Variants in TMEM135 observed in about 807,000 individuals in gnomAD.
The protein encoded by TMEM135 is peroxisomal membrane protein 52.
A neutral mutation model predicts 60.3 loss-of-function variants in TMEM135; 30 were observed. The observed-to-expected ratio is 0.50, with a 90% CI of 0.37 to 0.68. TMEM135 has a LOEUF of 0.68. TMEM135 is among the 30% of genes least tolerant of loss of function. The pLI, the probability that TMEM135 is intolerant of heterozygous loss-of-function variation, is 0.00. For missense variants in TMEM135, 468 were observed against 548.8 expected, an observed-to-expected ratio of 0.85 and a Z score of 1.47; for synonymous variants, 190 against 186.7, an observed-to-expected ratio of 1.02 and a Z score of -0.14.
chr11:87,294,625 C>T lies in TMEM135; in HGVS notation c.510-1157C>T, dbSNP rs1024154489. On this transcript the variant is annotated intron_variant, in intron 6 of 14. Coordinates refer to ENST00000305494, the MANE Select transcript of TMEM135 (RefSeq NM_022918.4). ...CTTGAACTCCTAATCTCAGGTGATCCGCCGGCCTCGGCCTCCCAAAGTGCT... is the reference window on the plus strand; with the variant it reads ...CTTGAACTCCTAATCTCAGGTGATCTGCCGGCCTCGGCCTCCCAAAGTGCT... Among the ~76,000 whole-genome samples the T allele has an allele frequency of 3.9e-5, 6 of 152,162 alleles. No individual in the cohort carries two copies. The East Asian group carries it at 5.8e-4, about 15-fold the overall frequency.
At chr11:87,261,900 T>G (rs1003925655) in intron 6 of TMEM135, among the ~76,000 whole-genome samples, 2 of 152,222 alleles carry the variant, frequency 1.3e-5, no homozygotes, top group Non-Finnish European at 2.9e-5. Context: ...GTTGAGATTG[T>G]GGACATGAGC....
chr11:87,075,294 G>C (rs1226797134), intron 3 of TMEM135, among the ~76,000 whole-genome samples: 1 of 152,018 alleles, frequency 6.6e-6, no homozygotes, highest in Non-Finnish European at 1.5e-5. Context: ...GAGTAGCTGG[G>C]ACTATAGGTG....
intron 5 of TMEM135, among the ~76,000 whole-genome samples, chr11:87,227,634 A>G (rs999351887): frequency 2.6e-5 from 4 of 152,194 alleles, no homozygotes; most frequent in Non-Finnish European, 5.9e-5. Context: ...GACAATACAT[A>G]GCTATTTAAC....
chr11:87,118,004 G>A (rs1387094249), intron 4 of TMEM135, among the ~76,000 whole-genome samples: 3 of 152,170 alleles, frequency 2.0e-5, no homozygotes, highest in Non-Finnish European at 4.4e-5. Context: ...GCAGGCATGA[G>A]AACAACATTA....
At chr11:87,234,247 T>C (rs79551387) in intron 5 of TMEM135, among the ~76,000 whole-genome samples, 4,599 of 152,090 alleles carry the variant, frequency 0.03, 211 homozygotes, top group African/African-American at 0.1. Context: ...CTACTTTATT[T>C]ATCTCCAAAA....
At chr11:87,219,243 C>T (rs113349987) in intron 5 of TMEM135, among the ~76,000 whole-genome samples, 15 of 152,142 alleles carry the variant, frequency 9.9e-5, no homozygotes, top group Admixed American at 7.8e-4. Flanking sequence ...TTTTGGAGGT[C>T]GTATTATTAA....
chr11:87,286,738 C>T (rs2135425641), intron 6 of TMEM135, among the ~76,000 whole-genome samples: 1 of 152,312 alleles, frequency 6.6e-6, no homozygotes, highest in South Asian at 2.1e-4. Flanking sequence ...ATCCTGGTTC[C>T]TTTTTGACTT....
intron 6 of TMEM135, among the ~76,000 whole-genome samples, chr11:87,275,340 A>T (rs1375197129): frequency 2.0e-5 from 3 of 152,108 alleles, no homozygotes; most frequent in Non-Finnish European, 4.4e-5. Flanking sequence ...TCCTATACTT[A>T]AGTGCTAGCA....
At position 87,313,440 on chromosome 11, in the gene TMEM135, C is replaced by G. The variant is rs1942674673; in HGVS notation, c.952C>G (p.Leu318Val). The change falls in exon 11 of 15, where the codon CTG (leucine) becomes GTG (valine). Residue 318 changes from leucine (L) to valine (V), a missense_variant. Leu to Val is a conservative substitution (Grantham distance 32). Transcript: ENST00000305494. Reference sequence around the variant, plus strand: ...CCTTAACTAGGGTACTAGTTGCTTCCTGCGCTGGATCAGAAACTTAGATGA... The same window carrying G: ...CCTTAACTAGGGTACTAGTTGCTTCGTGCGCTGGATCAGAAACTTAGATGA... The part of the protein sequence containing the change: ...VSIYKGTSCF[L>V]RWIRNLDDEL... 1 of 1,610,786 alleles carries G rather than the reference C, an allele frequency of 6.2e-7. No individual in the cohort carries two copies. Among genetic ancestry groups the G allele is most frequent in the African/African-American group, 1.3e-5 (1 of 74,726 alleles).
At chr11:87,183,440 T>C (rs1356148812) in intron 5 of TMEM135, among the ~76,000 whole-genome samples, 1 of 151,782 alleles carries the variant, frequency 6.6e-6, no homozygotes, top group Non-Finnish European at 1.5e-5. Flanking sequence ...CACACCTGGC[T>C]ATCACTAAAA....
chr11:87,177,535 A>G (rs1939408213), intron 5 of TMEM135, among the ~76,000 whole-genome samples: 1 of 152,176 alleles, frequency 6.6e-6, no homozygotes, highest in Non-Finnish European at 1.5e-5. Flanking sequence ...GTAATTCAGT[A>G]ATTTTTAAAT....
intron 5 of TMEM135, among the ~76,000 whole-genome samples, chr11:87,208,286 A>G (rs1940283013): frequency 6.6e-6 from 1 of 152,216 alleles, no homozygotes; most frequent in Non-Finnish European, 1.5e-5. Context: ...TCATCAGGTT[A>G]CAAGAGTTGA....
chr11:87,327,701 A>T lies in TMEM135; in HGVS notation c.*6368A>T. ...TCAGTACAAGTCCAAAAGCCTTGGA[A>T]CCAGGGAAACTGATGGTGTAATTCT... On this transcript the variant is annotated 3_prime_UTR_variant, in exon 15 of 15. Transcript: ENST00000305494. 1 of 454,018 alleles carries T rather than the reference A, an allele frequency of 2.2e-6. No individual in the cohort carries two copies. The highest frequency in any genetic ancestry group is 4.4e-6 in the Non-Finnish European group (1 of 226,778). 28.1% of individuals were successfully genotyped at this position (454,018 alleles called of 1,614,324 possible). A position where few individuals can be genotyped will look rare whatever the true frequency, so the allele number is the denominator to read the frequency against.
chr11:87,302,583 G>C, intron 8 of TMEM135, 141 bp downstream of exon 8: 1 of 989,664 alleles, frequency 1.0e-6, no homozygotes, highest in Admixed American at 2.0e-5. Context: ...TTTTATAAAA[G>C]GCACACAATG....
chr11:87,292,520 G>A (rs1215278808), intron 6 of TMEM135, among the ~76,000 whole-genome samples: 1 of 152,120 alleles, frequency 6.6e-6, no homozygotes, highest in African/African-American at 2.4e-5. Flanking sequence ...CCTTCAAATG[G>A]AGTCTGCTTT....
At chr11:87,185,578 T>A (rs1939633096) in intron 5 of TMEM135, among the ~76,000 whole-genome samples, 1 of 152,160 alleles carries the variant, frequency 6.6e-6, no homozygotes. Context: ...ACACATAATA[T>A]CTGGTTGGCT....
In TMEM135 at chr11:87,321,770, T is replaced by C. The variant is rs1942825850; in HGVS notation, c.*437T>C. On this transcript the variant is annotated 3_prime_UTR_variant, in exon 15 of 15. Transcript: ENST00000305494. The stretch of plus-strand genomic sequence containing the variant: ...CACGGGTACATGGATTTGGTCTATA[T>C]ATTTTTTTAAAGTTTTGAATTGGTA... 2.2e-6 allele frequency: 1 copy of C among 454,850 alleles called. No individual in the cohort carries two copies. The highest frequency in any genetic ancestry group is 1.6e-5 in the South Asian group (1 of 64,490). 28.2% of individuals were successfully genotyped at this position (454,850 alleles called of 1,614,324 possible). A position where few individuals can be genotyped will look rare whatever the true frequency, so the allele number is the denominator to read the frequency against.
intron 5 of TMEM135, among the ~76,000 whole-genome samples, chr11:87,226,778 T>C (rs1053079450): frequency 3.3e-5 from 5 of 152,142 alleles, no homozygotes; most frequent in African/African-American, 1.2e-4. Flanking sequence ...GGTGTGGTAG[T>C]TCATGCCTGT....
At chr11:87,121,064 G>T (rs1858044667) in intron 4 of TMEM135, 1 of 152,180 alleles carries the variant, frequency 6.6e-6, no homozygotes, top group African/African-American at 2.4e-5. Context: ...CAAAGTGGAA[G>T]AAGGGGCAGA....
Sources: allele counts gnomAD v4.1 joint callset (sites outside exome capture counted in the v4.1 genomes callset), GRCh38; gene constraint gnomAD v4.1.1; transcripts MANE v1.5; gene names NCBI Gene and HGNC (gene_info 2026-07-23, HGNC 2026-07-21).